RPS6KC1: variants seen among roughly 807,000 people sequenced by gnomAD.
RPS6KC1 encodes ribosomal protein S6 kinase C1.
A neutral mutation model predicts 103.8 loss-of-function variants in RPS6KC1; 54 were observed. That is an observed-to-expected ratio of 0.52 (90% CI 0.42 to 0.65). RPS6KC1 has a LOEUF of 0.65. Ranked by LOEUF, RPS6KC1 falls within the 30% of genes least tolerant of loss-of-function variation. RPS6KC1 has a pLI of 0.00. For missense variants in RPS6KC1, 1,151 were observed against 1,253.8 expected (o/e 0.92, Z 1.24); for synonymous variants, 439 against 438.7 (o/e 1.00, Z -0.01).
chr1:213,374,017 GAGTGGC>G, the RPS6KC1 span, among the ~76,000 whole-genome samples: 1 of 152,174 alleles, frequency 6.6e-6, no homozygotes, highest in East Asian at 1.9e-4. Flanking sequence ...TAGGGAATAA[GAGTGGC>G]ATGTATAAGT....
the RPS6KC1 span, among the ~76,000 whole-genome samples, chr1:213,323,309 G>A: frequency 2.0e-5 from 3 of 152,078 alleles, no homozygotes. Context: ...TTGGGGATTC[G>A]GTTGGGAACA....
the RPS6KC1 span, among the ~76,000 whole-genome samples, chr1:213,619,713 A>G: frequency 1.3e-5 from 2 of 152,240 alleles, no homozygotes; most frequent in Non-Finnish European, 2.9e-5. Flanking sequence ...CTAGGAATGC[A>G]TATTTTAGAT....
In RPS6KC1 at chr1:213,072,249, T is replaced by C. The variant is rs17020130; in HGVS notation, c.141+1208T>C. Among the ~76,000 whole-genome samples the C allele has an allele frequency of 8.1e-3, 1,229 of 152,294 alleles. 10 individuals are homozygous for C. Among genetic ancestry groups the C allele is most frequent in the African/African-American group, 0.028 (1,175 of 41,560 alleles). On this transcript the variant is annotated intron_variant, in intron 2 of 14. Coordinates refer to ENST00000366960, the MANE Select transcript of RPS6KC1 (RefSeq NM_012424.6). ...AAAATACCTGGCTTGATTCATACAT[T>C]TAAGGTGACTGTTTGGTACTGGTTG...
chr1:213,096,686 T>C (rs543250363), intron 3 of RPS6KC1, among the ~76,000 whole-genome samples: 1 of 151,890 alleles, frequency 6.6e-6, no homozygotes, highest in Admixed American at 6.6e-5. Context: ...AAAAAGTTGA[T>C]AGTTTTACCT....
At chr1:213,069,976 G>A (rs1444800565) in intron 1 of RPS6KC1, among the ~76,000 whole-genome samples, 2 of 152,106 alleles carry the variant, frequency 1.3e-5, no homozygotes, top group African/African-American at 4.8e-5. Flanking sequence ...TTGTCATCAG[G>A]GAAGTCTGAA....
At chr1:213,817,334 G>T in the RPS6KC1 span, among the ~76,000 whole-genome samples, 2 of 152,238 alleles carry the variant, frequency 1.3e-5, no homozygotes, top group African/African-American at 4.8e-5. Context: ...GGCGGGGGAA[G>T]GCTGCCCCAC....
At chr1:213,084,530 A>G (rs2080205881) in intron 3 of RPS6KC1, among the ~76,000 whole-genome samples, 1 of 152,188 alleles carries the variant, frequency 6.6e-6, no homozygotes, top group African/African-American at 2.4e-5. Flanking sequence ...GGGATATTGT[A>G]TTACATCAAT....
At chr1:213,760,333 C>A in the RPS6KC1 span, among the ~76,000 whole-genome samples, 1 of 152,202 alleles carries the variant, frequency 6.6e-6, no homozygotes, top group Non-Finnish European at 1.5e-5. Flanking sequence ...TTAAAAGCCT[C>A]CACAATGGAG....
intron 1 of RPS6KC1, among the ~76,000 whole-genome samples, chr1:213,059,144 A>T (rs1461539880): frequency 6.6e-6 from 1 of 152,210 alleles, no homozygotes; most frequent in Non-Finnish European, 1.5e-5. Flanking sequence ...TTTAGGGTAC[A>T]TGTGCACAAC....
At chr1:213,130,534 ATTC>A (rs2085489272) in intron 6 of RPS6KC1, among the ~76,000 whole-genome samples, 1 of 152,102 alleles carries the variant, frequency 6.6e-6, no homozygotes, top group Non-Finnish European at 1.5e-5. Context: ...TGATATTGAC[ATTC>A]TTCCAGTGGT....
the RPS6KC1 span, among the ~76,000 whole-genome samples, chr1:213,745,228 T>G: frequency 2.4e-5 from 2 of 81,926 alleles, no homozygotes. Context: ...GAAGCTAGGG[T>G]TTTTTTTTTT....
At chr1:213,136,661 G>A (rs781395968) in intron 6 of RPS6KC1, among the ~76,000 whole-genome samples, 53 of 151,926 alleles carry the variant, frequency 3.5e-4, no homozygotes, top group Admixed American at 5.9e-4. Flanking sequence ...ACTTTTAACG[G>A]AAGTATATTA....
intron 7 of RPS6KC1, among the ~76,000 whole-genome samples, chr1:213,176,175 GATTT>G (rs2091853539): frequency 6.6e-6 from 1 of 151,964 alleles, no homozygotes; most frequent in Non-Finnish European, 1.5e-5. Context: ...TCAATGTTAT[GATTT>G]ATTTACTTGC....
the RPS6KC1 span, among the ~76,000 whole-genome samples, chr1:213,589,371 C>T: frequency 0.015 from 2,253 of 152,116 alleles, 26 homozygotes; most frequent in South Asian, 0.033. Context: ...TAGAGCTGGG[C>T]GCAGTGGCCT....
At chr1:213,306,855 T>A in the RPS6KC1 span, among the ~76,000 whole-genome samples, 6 of 152,128 alleles carry the variant, frequency 3.9e-5, no homozygotes, top group African/African-American at 1.4e-4. Context: ...ACTTACAGTA[T>A]CAATATCACT....
chr1:213,397,582 AACACATAC>A, the RPS6KC1 span, among the ~76,000 whole-genome samples: 1 of 89,018 alleles, frequency 1.1e-5, no homozygotes, highest in African/African-American at 3.7e-5. Flanking sequence ...AAGAGTCAGG[AACACATAC>A]ACACACACAC....
chr1:213,205,547 G>GTTA lies in RPS6KC1; in HGVS notation c.1045-24950_1045-24949insTTA. Among the ~76,000 whole-genome samples the GTTA allele has an allele frequency of 2.0e-5, 2 of 102,478 alleles. 1 individual carries two copies. Among genetic ancestry groups the GTTA allele is most frequent in the African/African-American group, 7.3e-5 (2 of 27,342 alleles). 67.2% of individuals were successfully genotyped at this position (102,478 alleles called of 152,430 possible). On this transcript the variant is annotated intron_variant, in intron 8 of 14. Transcript: ENST00000366960. ...AACAACAAACTCATTTATATATATA[G>GTTA]ATATATATATATATATATATTTCAA... is the stretch of plus-strand genomic sequence containing the variant.
At chr1:213,426,147 T>G in the RPS6KC1 span, among the ~76,000 whole-genome samples, 1 of 152,176 alleles carries the variant, frequency 6.6e-6, no homozygotes, top group South Asian at 2.1e-4. Context: ...GCCTCCGCAC[T>G]GCCAGGGTGT....
the RPS6KC1 span, among the ~76,000 whole-genome samples, chr1:213,742,537 A>C: frequency 6.6e-6 from 1 of 152,232 alleles, no homozygotes; most frequent in South Asian, 2.1e-4. Context: ...ACCTGCCATC[A>C]CTGAGGTAAA....
Sources: gnomAD v4.1 joint callset for allele counts (sites outside exome capture counted in the v4.1 genomes callset) on GRCh38, gnomAD v4.1.1 for gene constraint, MANE v1.5 for transcripts, NCBI Gene and HGNC (gene_info 2026-07-23, HGNC 2026-07-21) for gene names.